Variants in SH3D19 observed in about 807,000 individuals in gnomAD.
SH3D19 encodes SH3 domain-containing protein 19.
SH3D19 carries 58 observed loss-of-function variants against 112.1 expected under a neutral mutation model. The observed-to-expected ratio is 0.52, with a 90% CI of 0.42 to 0.64. The LOEUF (loss-of-function observed/expected upper bound fraction) is 0.64, where lower values mean the gene tolerates loss of function less well. SH3D19 is among the 30% of genes least tolerant of loss of function. The pLI, the probability that SH3D19 is intolerant of heterozygous loss-of-function variation, is 0.00. For synonymous variants in SH3D19, 391 were observed against 448.5 expected, an observed-to-expected ratio of 0.87 and a Z score of 1.62; for missense variants, 1,090 against 1,263.4, an observed-to-expected ratio of 0.86 and a Z score of 2.08.
At chr4:151,229,932 CA>C (rs1384153857) in intron 1 of SH3D19, among the ~76,000 whole-genome samples, 1 of 151,942 alleles carries the variant, frequency 6.6e-6, no homozygotes, top group African/African-American at 2.4e-5. Context: ...AAAACAAAAA[CA>C]AAAAACAAGG....
At chr4:151,131,479 C>CA in intron 17 of SH3D19, among the ~76,000 whole-genome samples, 1 of 134,458 alleles carries the variant, frequency 7.4e-6, no homozygotes, top group Non-Finnish European at 1.6e-5. Flanking sequence ...TTTATGAATT[C>CA]TTTTTTTCTT....
chr4:151,294,678 C>A (rs917529612), intron 1 of SH3D19, among the ~76,000 whole-genome samples: 7 of 152,230 alleles, frequency 4.6e-5, no homozygotes, highest in African/African-American at 1.7e-4. Flanking sequence ...CACCATGTAC[C>A]AGGTACCATT....
rs562960436 is a variant in SH3D19 at position 151,311,368 on chromosome 4, C to G, written c.112+13873G>C. Among the ~76,000 whole-genome samples, 9 of 151,894 alleles carry G rather than the reference C, an allele frequency of 5.9e-5. No individual in the cohort carries two copies. The South Asian group carries it at 1.9e-3, about 32-fold the overall frequency. On this transcript the variant is annotated intron_variant, in intron 1 of 19. Coordinates refer to ENST00000604030, the MANE Select transcript of SH3D19 (RefSeq NM_001378122.1). ...CCATGATCATGCCACTGCACTCCAG[C>G]CTGGGTGACACAGCAAGACCCTGTT... is the stretch of plus-strand genomic sequence containing the variant.
chr4:151,316,372 T>C (rs1367632988), intron 1 of SH3D19, among the ~76,000 whole-genome samples: 1 of 152,110 alleles, frequency 6.6e-6, no homozygotes, highest in Non-Finnish European at 1.5e-5. Flanking sequence ...TACGGAATAC[T>C]GCAACACAAA....
intron 8 of SH3D19, among the ~76,000 whole-genome samples, chr4:151,160,940 T>G (rs1176210205): frequency 6.6e-6 from 1 of 152,158 alleles, no homozygotes; most frequent in Non-Finnish European, 1.5e-5. Context: ...CTTGAAGATA[T>G]TTTCTGTGCT....
intron 2 of SH3D19, among the ~76,000 whole-genome samples, chr4:151,219,138 T>A (rs1302463898): frequency 6.6e-6 from 1 of 152,176 alleles, no homozygotes; most frequent in Non-Finnish European, 1.5e-5. Context: ...CCTTGTAAAA[T>A]CCAGTTTTGG....
chr4:151,163,573 T>G (rs1218997809), intron 8 of SH3D19, among the ~76,000 whole-genome samples: 2 of 131,522 alleles, frequency 1.5e-5, no homozygotes, highest in African/African-American at 5.0e-5. Flanking sequence ...GCCAGTTTTT[T>G]CTTTCTTTCT....
chr4:151,212,308 G>A (rs1294048554), intron 2 of SH3D19, among the ~76,000 whole-genome samples: 5 of 151,992 alleles, frequency 3.3e-5, no homozygotes, highest in Admixed American at 2.6e-4. Flanking sequence ...CAACACACCT[G>A]GCTAATTTTT....
chr4:151,203,378 A>G (rs1764668984), intron 2 of SH3D19, among the ~76,000 whole-genome samples: 1 of 152,188 alleles, frequency 6.6e-6, no homozygotes, highest in African/African-American at 2.4e-5. Flanking sequence ...TCTTTAGCTT[A>G]TTTATTTTTG....
Position 151,139,851 on chromosome 4 carries a change from A to AG in SH3D19, c.2224-5dup. 1 of 1,613,980 alleles carries AG rather than the reference A, an allele frequency of 6.2e-7. No individual in the cohort carries two copies. Among genetic ancestry groups the AG allele is most frequent in the South Asian group, 1.1e-5 (1 of 91,042 alleles). On this transcript the variant is annotated splice_region_variant and splice_polypyrimidine_tract_variant and intron_variant, in intron 12 of 19. Transcript: ENST00000604030. Reference sequence around the variant, plus strand: ...GCTTCTGAGCGTGGCTTGGATCCTTAGGGGGAGAAAAGGGCTGTGAATGAA... The same window carrying AG: ...GCTTCTGAGCGTGGCTTGGATCCTTAGGGGGGAGAAAAGGGCTGTGAATGAA...
Position 151,175,281 on chromosome 4 carries a change from G to C in SH3D19, c.923C>G (p.Thr308Ser). 6.2e-7 allele frequency: 1 copy of C among 1,614,146 alleles called. No homozygotes were observed. The highest frequency in any genetic ancestry group is 8.5e-7 in the Non-Finnish European group (1 of 1,180,026). ...KVFEGQTNIE[T>S]SGLPKKPEIT... Reference sequence around the variant, plus strand: ...TTCTGGTTTCTTGGGCAGTCCTGAGGTTTCTATGTTTGTCTGACCCTCAAA... The same window carrying C: ...TTCTGGTTTCTTGGGCAGTCCTGAGCTTTCTATGTTTGTCTGACCCTCAAA... Residue 308 changes from threonine (T) to serine (S), a missense_variant, in exon 7 of 20, where the codon ACC becomes AGC. Transcript: ENST00000604030.
chr4:151,224,259 A>C (rs1004068239), intron 2 of SH3D19, among the ~76,000 whole-genome samples: 1 of 152,070 alleles, frequency 6.6e-6, no homozygotes, highest in African/African-American at 2.4e-5. Context: ...CAGTGAGCCG[A>C]GATTGTGCCA....
At chr4:151,318,300 C>CAAAAAAAAAAAAAAAAAAAAAAAAA (rs752720803) in intron 1 of SH3D19, among the ~76,000 whole-genome samples, 1 of 54,468 alleles carries the variant, frequency 1.8e-5, no homozygotes, top group African/African-American at 6.5e-5. Flanking sequence ...GACTCTGACT[C>CAAAAAAAAAAAAAAAAAAAAAAAAA]AAAAAAAAAA....
intron 1 of SH3D19, among the ~76,000 whole-genome samples, chr4:151,299,406 C>A (rs1168367386): frequency 6.6e-6 from 1 of 151,890 alleles, no homozygotes; most frequent in Non-Finnish European, 1.5e-5. Flanking sequence ...CATGGAGAAA[C>A]CCCGTCTCCA....
chr4:151,145,407 C>A (rs374807534), intron 11 of SH3D19, among the ~76,000 whole-genome samples: 2 of 152,068 alleles, frequency 1.3e-5, no homozygotes, highest in East Asian at 3.9e-4. Flanking sequence ...AATCAATCGA[C>A]CTTGTTATGT....
chr4:151,313,828 G>A (rs1729734223), intron 1 of SH3D19, among the ~76,000 whole-genome samples: 1 of 152,084 alleles, frequency 6.6e-6, no homozygotes, highest in East Asian at 1.9e-4. Context: ...AGAAACAAAG[G>A]GTGTGGTAGC....
In SH3D19 at chr4:151,133,206, A is replaced by G. The variant is rs1176247227; in HGVS notation, c.2517T>C (p.Tyr839=). The G allele has an allele frequency of 2.5e-6, 4 of 1,614,136 alleles. No individual in the cohort carries two copies. The Admixed American group carries it at 5.0e-5, about 20-fold the overall frequency. Residue 839 remains tyrosine (Y), a synonymous_variant, in exon 16 of 20, where the codon TAT becomes TAC. Coordinates refer to ENST00000604030, the MANE Select transcript of SH3D19 (RefSeq NM_001378122.1). ...TCAACTCATCCTTCTGCTCTCCAAT[A>G]TATTCAAACCGAGCAACACATCTTG... ...KGSRCVARFE[Y]IGEQKDELSF... is the part of the protein sequence containing the mutation.
At chr4:151,129,226 A>T (rs773830381) in intron 17 of SH3D19, among the ~76,000 whole-genome samples, 25 of 152,194 alleles carry the variant, frequency 1.6e-4, no homozygotes, top group Non-Finnish European at 3.5e-4. Context: ...TGGCAGGATA[A>T]CACCCAGATG....
chr4:151,230,356 G>C (rs1282049629), intron 1 of SH3D19, among the ~76,000 whole-genome samples: 1 of 152,120 alleles, frequency 6.6e-6, no homozygotes, highest in Non-Finnish European at 1.5e-5. Flanking sequence ...AAACTAAGAA[G>C]AATAGCCAAC....
Sources: allele counts gnomAD v4.1 joint callset (sites outside exome capture counted in the v4.1 genomes callset), GRCh38; gene constraint gnomAD v4.1.1; transcripts MANE v1.5; gene names NCBI Gene and HGNC (gene_info 2026-07-23, HGNC 2026-07-21).